Variants in CSNK1G3 observed in about 807,000 individuals in gnomAD.
CSNK1G3 encodes casein kinase I isoform gamma-3.
A neutral mutation model predicts 64.3 loss-of-function variants in CSNK1G3; 23 were observed. The observed-to-expected ratio is 0.36, with a 90% CI of 0.26 to 0.51. The LOEUF is 0.51. CSNK1G3 is among the 20% of genes least tolerant of loss of function. The pLI is 0.96. For missense variants in CSNK1G3, 357 were observed against 510.5 expected, an observed-to-expected ratio of 0.70 and a Z score of 2.90; for synonymous variants, 158 against 162.2, an observed-to-expected ratio of 0.97 and a Z score of 0.20.
At chr5:123,560,807 T>G (rs1377961001) in intron 4 of CSNK1G3, among the ~76,000 whole-genome samples, 1 of 152,106 alleles carries the variant, frequency 6.6e-6, no homozygotes, top group Non-Finnish European at 1.5e-5. Flanking sequence ...TCTGGGGGCT[T>G]GGGGAGAGGG....
At chr5:123,604,673 T>C in intron 10 of CSNK1G3, 51 bp from the exon 12 acceptor site, 1 of 879,788 alleles carries the variant, frequency 1.1e-6, no homozygotes, top group Non-Finnish European at 1.8e-6. Context: ...TGTATATTTA[T>C]GAGCATGTGT....
intron 1 of CSNK1G3, among the ~76,000 whole-genome samples, chr5:123,542,657 GA>G (rs1459138271): frequency 6.6e-6 from 1 of 152,044 alleles, no homozygotes; most frequent in Non-Finnish European, 1.5e-5. Flanking sequence ...AAAAAGAGGG[GA>G]AAAATAATTC....
intron 10 of CSNK1G3, among the ~76,000 whole-genome samples, chr5:123,597,225 C>T (rs984417100): frequency 6.6e-6 from 1 of 152,066 alleles, no homozygotes; most frequent in Non-Finnish European, 1.5e-5. Context: ...GTGCAATGGT[C>T]ATTAAATCAC....
chr5:123,543,524 A>G (rs1215223297), intron 1 of CSNK1G3, among the ~76,000 whole-genome samples: 2 of 152,082 alleles, frequency 1.3e-5, no homozygotes, highest in Middle Eastern at 3.2e-3. Context: ...CTCCACTGCA[A>G]AACTCCTTCA....
intron 1 of CSNK1G3, among the ~76,000 whole-genome samples, chr5:123,522,962 A>G (rs945775076): frequency 6.6e-6 from 1 of 152,212 alleles, no homozygotes; most frequent in Non-Finnish European, 1.5e-5. Context: ...GTTTCTGGAA[A>G]TCTTAGGAGA....
At chr5:123,604,622 T>A in intron 10 of CSNK1G3, 102 bp from the exon 12 acceptor site, 1 of 570,084 alleles carries the variant, frequency 1.8e-6, no homozygotes, top group African/African-American at 1.9e-5. Flanking sequence ...TGAAATACTT[T>A]AACAATTATG....
intron 1 of CSNK1G3, among the ~76,000 whole-genome samples, chr5:123,540,369 A>G (rs902149882): frequency 7.2e-5 from 11 of 152,126 alleles, no homozygotes; most frequent in East Asian, 3.9e-4. Context: ...TGATAACTCT[A>G]TTGAAGTACT....
At chr5:123,556,229 T>C (rs1784599346) in intron 3 of CSNK1G3, among the ~76,000 whole-genome samples, 1 of 152,140 alleles carries the variant, frequency 6.6e-6, no homozygotes. Flanking sequence ...CTTTTGTTGT[T>C]GGTCACAGTT....
Position 123,562,998 on chromosome 5 carries a change from G to T in CSNK1G3, c.289+5434G>T, listed in dbSNP as rs570858702. ...ATGGGAAAATTGTTTTTGGAGGTCT[G>T]TGATTCTCAGTAACACTTCTTAATT... On this transcript the variant is annotated intron_variant, in intron 4 of 12. Transcript: ENST00000345990. Among the ~76,000 whole-genome samples the T allele has an allele frequency of 6.2e-4, 95 of 152,144 alleles. 1 individual carries two copies. Among genetic ancestry groups the T allele is most frequent in the African/African-American group, 2.2e-3 (93 of 41,548 alleles).
At chr5:123,515,549 C>G (rs1355820722) in intron 1 of CSNK1G3, among the ~76,000 whole-genome samples, 1 of 151,954 alleles carries the variant, frequency 6.6e-6, no homozygotes, top group African/African-American at 2.4e-5. Context: ...TTTCACAGTT[C>G]GGGATTAACG....
At chr5:123,535,275 T>C (rs1580962740) in intron 1 of CSNK1G3, among the ~76,000 whole-genome samples, 1 of 152,144 alleles carries the variant, frequency 6.6e-6, no homozygotes, top group African/African-American at 2.4e-5. Flanking sequence ...TTATGAAGAC[T>C]AAACTTGGAT....
chr5:123,546,431 C>T (rs1235294205), intron 2 of CSNK1G3, among the ~76,000 whole-genome samples: 1 of 151,996 alleles, frequency 6.6e-6, no homozygotes, highest in Non-Finnish European at 1.5e-5. Flanking sequence ...AGCTTCCTAA[C>T]TCTATATTCA....
In CSNK1G3 at chr5:123,552,694, A is replaced by G. The variant is rs548841093; in HGVS notation, c.179-413A>G. 3.3e-5 allele frequency among the ~76,000 whole-genome samples: 5 copies of G among 152,306 alleles called. No homozygotes were observed. In the East Asian group the frequency reaches 9.6e-4, roughly 29 times the overall value. ...TAAATATGAGCCCTAGTAAGATTAC[A>G]TCTCATAATAATGATGAATTTAAAA... On this transcript the variant is annotated intron_variant, in intron 2 of 12. Transcript: ENST00000345990.
At chr5:123,578,293 AT>A (rs1389679194) in intron 6 of CSNK1G3, among the ~76,000 whole-genome samples, 8 of 151,762 alleles carry the variant, frequency 5.3e-5, no homozygotes, top group Non-Finnish European at 1.0e-4. Flanking sequence ...ATGAATGAGA[AT>A]TTTGTTTGTT....
At chr5:123,583,712 C>T (rs1790789410) in intron 6 of CSNK1G3, among the ~76,000 whole-genome samples, 1 of 151,992 alleles carries the variant, frequency 6.6e-6, no homozygotes, top group Non-Finnish European at 1.5e-5. Context: ...CAGGGTCTTG[C>T]TCTGTCACCC....
intron 10 of CSNK1G3, among the ~76,000 whole-genome samples, chr5:123,598,581 G>A (rs908108905): frequency 2.6e-5 from 4 of 152,066 alleles, no homozygotes. Flanking sequence ...GAGTATACCA[G>A]GCAGAGAAGA....
At chr5:123,614,688 A>G (rs1025951705) in exon 13 of CSNK1G3, 5 of 261,512 alleles carry the variant, frequency 1.9e-5, no homozygotes, top group African/African-American at 6.7e-5. Context: ...TCCATAGAAC[A>G]TTTTCCAGAA....
chr5:123,559,015 C>G (rs765381851), intron 4 of CSNK1G3, among the ~76,000 whole-genome samples: 6 of 152,106 alleles, frequency 3.9e-5, no homozygotes, highest in Non-Finnish European at 8.8e-5. Flanking sequence ...TGGAGGTTGC[C>G]ACCAATAACC....
intron 4 of CSNK1G3, among the ~76,000 whole-genome samples, chr5:123,571,483 A>G (rs1788093463): frequency 6.6e-6 from 1 of 152,044 alleles, no homozygotes; most frequent in Non-Finnish European, 1.5e-5. Context: ...ACTCATATTC[A>G]TATCTGAGAA....
Sources: allele counts gnomAD v4.1 joint callset (sites outside exome capture counted in the v4.1 genomes callset), GRCh38; gene constraint gnomAD v4.1.1; transcripts MANE v1.5; gene names NCBI Gene and HGNC (gene_info 2026-07-23, HGNC 2026-07-21).